SDK1: variants seen among roughly 807,000 people sequenced by gnomAD.
The protein encoded by SDK1 is protein sidekick-1.
Under a neutral mutation model 245.5 loss-of-function variants are expected in SDK1, and 157 were observed. That is an observed-to-expected ratio of 0.64 (90% CI 0.56 to 0.73). SDK1 has a LOEUF of 0.73. SDK1 is among the 30% of genes least tolerant of loss of function. The pLI is 0.00. For synonymous variants in SDK1, 1,647 were observed against 1,278.5 expected, an observed-to-expected ratio of 1.29 and a Z score of -6.15; for missense variants, 3,583 against 3,002.3, an observed-to-expected ratio of 1.19 and a Z score of -4.52.
intron 1 of SDK1, among the ~76,000 whole-genome samples, chr7:3,423,757 C>T (rs987989284): frequency 1.3e-5 from 2 of 152,006 alleles, no homozygotes; most frequent in African/African-American, 4.8e-5. Flanking sequence ...AGACAAATAC[C>T]ATATCAGTTT....
At chr7:3,360,952 TAA>T (rs1188854286) in intron 1 of SDK1, among the ~76,000 whole-genome samples, 2 of 152,222 alleles carry the variant, frequency 1.3e-5, no homozygotes, top group Non-Finnish European at 2.9e-5. Context: ...GTTTGAATAG[TAA>T]GGCCTCCAAT....
intron 1 of SDK1, among the ~76,000 whole-genome samples, chr7:3,534,732 C>A (rs769211061): frequency 3.5e-4 from 53 of 152,216 alleles, no homozygotes; most frequent in Middle Eastern, 6.8e-3. Context: ...GTATGGAAGT[C>A]CTCAGTAAGG....
intron 1 of SDK1, among the ~76,000 whole-genome samples, chr7:3,580,653 G>T (rs1188833264): frequency 6.6e-6 from 1 of 152,072 alleles, no homozygotes; most frequent in Non-Finnish European, 1.5e-5. Flanking sequence ...AGACTTAAAT[G>T]TAAAACCCAA....
At chr7:4,209,504 C>A (rs1216557357) in intron 37 of SDK1, among the ~76,000 whole-genome samples, 2 of 152,342 alleles carry the variant, frequency 1.3e-5, no homozygotes, top group Admixed American at 6.5e-5. Context: ...CCAGCTCCCT[C>A]CCCGCTCCAG....
At chr7:3,428,277 A>C (rs1779732610) in intron 1 of SDK1, among the ~76,000 whole-genome samples, 1 of 152,202 alleles carries the variant, frequency 6.6e-6, no homozygotes, top group South Asian at 2.1e-4. Context: ...ATTATTGATT[A>C]ATTTATCATA....
Position 4,164,142 on chromosome 7 carries a change from C to T in SDK1, c.4800+2286C>T, listed in dbSNP as rs545067720. Among the ~76,000 whole-genome samples the T allele has an allele frequency of 2.9e-3, 449 of 152,298 alleles. 4 individuals carry two copies. The highest frequency in any genetic ancestry group is 0.01 in the African/African-American group (436 of 41,562). The stretch of plus-strand genomic sequence containing the variant: ...AGCACTTCTGTGGCACTCAGCCCTA[C>T]TGAGTTTACCAGAGCATAGGGGGGC... On this transcript the variant is annotated intron_variant, in intron 32 of 44. Coordinates refer to ENST00000404826, the MANE Select transcript of SDK1 (RefSeq NM_152744.4).
chr7:3,725,028 CT>C (rs1778968581), intron 4 of SDK1, among the ~76,000 whole-genome samples: 1 of 152,218 alleles, frequency 6.6e-6, no homozygotes, highest in African/African-American at 2.4e-5. Flanking sequence ...CTTAGACTTT[CT>C]TATTTAGCCA....
chr7:3,371,194 A>G (rs879441195), intron 1 of SDK1, among the ~76,000 whole-genome samples: 2 of 152,188 alleles, frequency 1.3e-5, no homozygotes, highest in African/African-American at 4.8e-5. Context: ...AGGAGAACAC[A>G]TCTCATTTAC....
At chr7:3,874,070 A>T (rs990440607) in intron 5 of SDK1, among the ~76,000 whole-genome samples, 16 of 152,270 alleles carry the variant, frequency 1.1e-4, no homozygotes, top group African/African-American at 3.6e-4. Flanking sequence ...ACTGAGGTCA[A>T]TATTTTGTGT....
At chr7:3,429,826 A>G (rs1413807422) in intron 1 of SDK1, among the ~76,000 whole-genome samples, 1 of 151,944 alleles carries the variant, frequency 6.6e-6, no homozygotes, top group Non-Finnish European at 1.5e-5. Context: ...CCTGGGTTCA[A>G]GCAGTCCTCC....
intron 17 of SDK1, 129 bp downstream of exon 17, chr7:4,017,481 T>C (rs777208706): frequency 1.1e-5 from 8 of 699,266 alleles, no homozygotes; most frequent in South Asian, 2.3e-5. Context: ...TACAAGAAAA[T>C]TCATCACGTA....
intron 13 of SDK1, among the ~76,000 whole-genome samples, chr7:3,981,911 G>T (rs939778616): frequency 6.6e-6 from 1 of 152,248 alleles, no homozygotes; most frequent in Non-Finnish European, 1.5e-5. Context: ...GCTAGGAACA[G>T]TGACGAGGGT....
chr7:3,489,075 G>A (rs553503643), intron 1 of SDK1, among the ~76,000 whole-genome samples: 1 of 152,268 alleles, frequency 6.6e-6, no homozygotes, highest in South Asian at 2.1e-4. Context: ...TTGAGGGCCA[G>A]TCCAGGCTAG....
intron 17 of SDK1, among the ~76,000 whole-genome samples, chr7:4,046,179 C>A (rs1389238671): frequency 2.0e-5 from 3 of 151,814 alleles, no homozygotes. Context: ...TGGCCTCAAG[C>A]GATCCTCCTA....
chr7:3,677,877 A>G (rs911044847), intron 4 of SDK1, among the ~76,000 whole-genome samples: 1 of 152,212 alleles, frequency 6.6e-6, no homozygotes, highest in Admixed American at 6.5e-5. Context: ...ACAAGGGTAC[A>G]AAACTCCATA....
intron 41 of SDK1, among the ~76,000 whole-genome samples, chr7:4,236,679 A>C (rs1786187568): frequency 6.6e-6 from 1 of 151,830 alleles, no homozygotes; most frequent in African/African-American, 2.4e-5. Context: ...GGGACAACTG[A>C]TTTCTATCGG....
chr7:3,845,032 C>A (rs1780242185), intron 5 of SDK1, among the ~76,000 whole-genome samples: 2 of 152,134 alleles, frequency 1.3e-5, no homozygotes, highest in Non-Finnish European at 2.9e-5. Flanking sequence ...CGCTTAACTA[C>A]CTGGAGCAGA....
Position 3,781,973 on chromosome 7 carries a change from G to C in SDK1, c.714-39477G>C, listed in dbSNP as rs185049330. Among the ~76,000 whole-genome samples the C allele has an allele frequency of 1.3e-3, 198 of 152,258 alleles. 1 individual carries two copies. In the Middle Eastern group the frequency reaches 0.058, roughly 44 times the overall value. ...TAATGTGAATTAAGGACAGCAGAGA[G>C]AAAAAAGCACCAGAAACTATATTTA... On this transcript the variant is annotated intron_variant, in intron 4 of 44. Transcript: ENST00000404826.
chr7:4,067,745 C>A, intron 19 of SDK1, 93 bp from the exon 20 acceptor site: 1 of 890,210 alleles, frequency 1.1e-6, no homozygotes, highest in Non-Finnish European at 1.8e-6. Flanking sequence ...CAGCTCACCA[C>A]TTTCCTTCCA....
Sources: gnomAD v4.1 joint callset for allele counts (sites outside exome capture counted in the v4.1 genomes callset) on GRCh38, gnomAD v4.1.1 for gene constraint, MANE v1.5 for transcripts, NCBI Gene and HGNC (gene_info 2026-07-23, HGNC 2026-07-21) for gene names.